MED12L: variants seen among roughly 807,000 people sequenced by gnomAD.
The protein encoded by MED12L is mediator complex subunit 12L.
Under a neutral mutation model 281.3 loss-of-function variants are expected in MED12L, and 60 were observed. The ratio of observed to expected loss-of-function variants is 0.21; its 90% CI spans 0.17 to 0.26. MED12L has a LOEUF of 0.26. Among genes scored for constraint, MED12L ranks in the 10% least tolerant of loss-of-function variants. The pLI is 1.00. For missense variants in MED12L, 2,146 were observed against 2,680.9 expected, an observed-to-expected ratio of 0.80 and a Z score of 4.41; for synonymous variants, 974 against 987.2, an observed-to-expected ratio of 0.99 and a Z score of 0.25.
At chr3:151,132,895 A>G (rs1450414567) in intron 5 of MED12L, among the ~76,000 whole-genome samples, 5 of 152,230 alleles carry the variant, frequency 3.3e-5, no homozygotes, top group African/African-American at 4.8e-5. Context: ...GCCATAATGT[A>G]ATGTAGCAAG....
intron 16 of MED12L, among the ~76,000 whole-genome samples, chr3:151,345,517 C>CTTTTTTTT (rs201731496): frequency 1.5e-5 from 2 of 131,650 alleles, no homozygotes; most frequent in African/African-American, 2.8e-5. Context: ...TTTTCTTTTT[C>CTTTTTTTT]TTTTTTTTTT....
At chr3:151,325,266 G>T (rs778258741) in intron 16 of MED12L, among the ~76,000 whole-genome samples, 1 of 152,068 alleles carries the variant, frequency 6.6e-6, no homozygotes, top group Non-Finnish European at 1.5e-5. Flanking sequence ...GAATTCTTCC[G>T]AGTGTGGGAA....
chr3:151,294,610 G>A (rs759201217), intron 16 of MED12L: 15 of 1,614,078 alleles, frequency 9.3e-6, no homozygotes, highest in Non-Finnish European at 1.3e-5. Context: ...CAAACAAGCA[G>A]CTGTTCACAT....
chr3:151,155,836 G>C (rs559381989), intron 5 of MED12L, among the ~76,000 whole-genome samples: 1 of 152,234 alleles, frequency 6.6e-6, no homozygotes, highest in South Asian at 2.1e-4. Flanking sequence ...TGTTTAACAA[G>C]GAGGATCACC....
chr3:151,298,641 C>T (rs1289418330), intron 16 of MED12L, among the ~76,000 whole-genome samples: 1 of 151,942 alleles, frequency 6.6e-6, no homozygotes, highest in African/African-American at 2.4e-5. Context: ...TATTTTGTGC[C>T]ATGTGTGAGG....
intron 5 of MED12L, among the ~76,000 whole-genome samples, chr3:151,136,393 C>T (rs1305686540): frequency 6.6e-6 from 1 of 152,256 alleles, no homozygotes; most frequent in Non-Finnish European, 1.5e-5. Context: ...AGTGTTCCTT[C>T]TATCTCATTT....
At position 151,244,326 on chromosome 3, in the gene MED12L, A is replaced by G. The variant is rs1235882725; in HGVS notation, c.2250+50660A>G. 4.0e-5 allele frequency among the ~76,000 whole-genome samples: 5 copies of G among 123,766 alleles called. No individual in the cohort carries two copies. The Admixed American group carries it at 4.4e-4, about 11-fold the overall frequency. 81.2% of individuals were successfully genotyped at this position (123,766 alleles called of 152,430 possible). ...CAACAGAATATACATTTTTTTCAGC[A>G]CCACACCACACCTATTCCAAAATTG... is the stretch of plus-strand genomic sequence containing the variant. On this transcript the variant is annotated intron_variant, in intron 16 of 44. Coordinates refer to ENST00000687756, the MANE Select transcript of MED12L (RefSeq NM_001393769.1).
chr3:151,375,936 A>G (rs1221502345), intron 27 of MED12L, 90 bp from the exon 28 acceptor site: 2 of 630,818 alleles, frequency 3.2e-6, no homozygotes, highest in Non-Finnish European at 4.7e-6. Context: ...TCAGTTTTCT[A>G]TTCAATTATG....
chr3:151,383,646 A>G, intron 33 of MED12L, 133 bp from the exon 34 acceptor site: 1 of 597,770 alleles, frequency 1.7e-6, no homozygotes, highest in South Asian at 2.3e-5. Context: ...AAGAGAAAAG[A>G]TAAGGTAATC....
intron 16 of MED12L, among the ~76,000 whole-genome samples, chr3:151,314,689 C>T (rs16863305): frequency 0.047 from 7,194 of 152,212 alleles, 187 homozygotes; most frequent in East Asian, 0.12. Context: ...TGGCTCTACC[C>T]CATTTCCTCT....
In MED12L at chr3:151,416,313, T is replaced by G; in HGVS notation, c.6299T>G (p.Met2100Arg). The G allele has an allele frequency of 6.2e-7, 1 of 1,613,098 alleles. No individual in the cohort carries two copies. The highest frequency in any genetic ancestry group is 1.1e-5 in the South Asian group (1 of 91,020). The change falls in exon 43 of 45, where the codon ATG becomes AGG. Residue 2100 changes from methionine to arginine, a missense_variant and splice_region_variant. Physicochemically the swap from Met to Arg is moderately conservative, Grantham distance 91. Around this residue, in one of 9 missense-constraint regions of MED12L, gnomAD observed 496 missense variants for 512.0 expected, o/e 0.97. Coordinates refer to ENST00000687756, the MANE Select transcript of MED12L (RefSeq NM_001393769.1). ...QVRQQQRLLQMQQPQQPQPQQ... is the reference protein window; with the variant it reads ...QVRQQQRLLQRQQPQQPQPQQ... ...ATAACATTTTTACCCTCTTTCCAGATGCAGCAGCCCCAGCAGCCCCAGCCC... is the reference window on the plus strand; with the variant it reads ...ATAACATTTTTACCCTCTTTCCAGAGGCAGCAGCCCCAGCAGCCCCAGCCC...
At chr3:151,318,572 G>C (rs1012334954) in intron 16 of MED12L, among the ~76,000 whole-genome samples, 1 of 152,112 alleles carries the variant, frequency 6.6e-6, no homozygotes, top group Non-Finnish European at 1.5e-5. Context: ...AAAGGGAGAA[G>C]CATCTCTTAT....
At chr3:151,313,161 G>A (rs2131099) in intron 16 of MED12L, among the ~76,000 whole-genome samples, 47 of 152,274 alleles carry the variant, frequency 3.1e-4, no homozygotes, top group Admixed American at 1.6e-3. Context: ...CCATCTCAGT[G>A]CTGTGCTCCT....
intron 16 of MED12L, among the ~76,000 whole-genome samples, chr3:151,206,523 T>C (rs1726380643): frequency 6.6e-6 from 1 of 152,074 alleles, no homozygotes; most frequent in African/African-American, 2.4e-5. Flanking sequence ...AGGGGAAATT[T>C]ATAATAAAGA....
rs536414321 is a variant in MED12L, at chr3:151,225,570, T to C, written c.2250+31904T>C. 2.0e-5 allele frequency among the ~76,000 whole-genome samples: 3 copies of C among 152,314 alleles called. No homozygotes were observed. In the South Asian group the frequency reaches 6.2e-4, roughly 32 times the overall value. On this transcript the variant is annotated intron_variant, in intron 16 of 44. Coordinates refer to ENST00000687756, the MANE Select transcript of MED12L (RefSeq NM_001393769.1). ...CTCTTAATGCCGTCACAATGGCAAA[T>C]CAATTTCAAATGAATTTTGAAACGG... is the stretch of plus-strand genomic sequence containing the variant.
At chr3:151,259,000 C>G (rs111828530) in intron 16 of MED12L, among the ~76,000 whole-genome samples, 1 of 152,132 alleles carries the variant, frequency 6.6e-6, no homozygotes, top group South Asian at 2.1e-4. Context: ...AGTGGTGCTG[C>G]ACACACATAT....
intron 31 of MED12L, among the ~76,000 whole-genome samples, chr3:151,378,630 G>A (rs751804342): frequency 7.3e-5 from 11 of 151,564 alleles, no homozygotes; most frequent in South Asian, 2.1e-4. Context: ...AAGACTCCTC[G>A]GCCACCACAA....
intron 43 of MED12L, among the ~76,000 whole-genome samples, chr3:151,420,594 T>A (rs908682584): frequency 6.6e-6 from 1 of 152,198 alleles, no homozygotes; most frequent in Non-Finnish European, 1.5e-5. Flanking sequence ...ATACACGGCC[T>A]TCTGGAGAAC....
chr3:151,142,104 AT>A (rs940247775), intron 5 of MED12L, among the ~76,000 whole-genome samples: 15 of 152,146 alleles, frequency 9.9e-5, no homozygotes, highest in African/African-American at 2.7e-4. Flanking sequence ...GTAGCTTCTC[AT>A]TTGGGCTAGT....
Sources: allele counts gnomAD v4.1 joint callset (sites outside exome capture counted in the v4.1 genomes callset), GRCh38; gene constraint gnomAD v4.1.1; regional missense constraint gnomAD v4.1.1; transcripts MANE v1.5; gene names NCBI Gene and HGNC (gene_info 2026-07-23, HGNC 2026-07-21).